Variants in NFATC3 observed in about 807,000 individuals in gnomAD.
The protein encoded by NFATC3 is nuclear factor of activated T cells 3.
A neutral mutation model predicts 98.6 loss-of-function variants in NFATC3; 46 were observed. That is an observed-to-expected ratio of 0.47 (90% CI 0.37 to 0.60). The LOEUF is 0.60. NFATC3 is among the 20% of genes least tolerant of loss of function. The probability of loss-of-function intolerance (pLI) is 0.00; values close to 1 mark genes in which losing one functional copy is unlikely to be tolerated. For missense variants in NFATC3, 1,256 were observed against 1,295.5 expected (o/e 0.97, Z 0.47); for synonymous variants, 512 against 472.2 (o/e 1.08, Z -1.09).
chr16:68,192,251 A>ATATGTATG (rs2040463513), intron 9 of NFATC3: 7 of 109,120 alleles, frequency 6.4e-5, no homozygotes, highest in African/African-American at 2.2e-4. Flanking sequence ...ATATATATAT[A>ATATGTATG]TATGTATGTG....
Position 68,085,583 on chromosome 16 carries a change from C to T in NFATC3, c.-99C>T, listed in dbSNP as rs2034318715. The T allele has an allele frequency of 1.8e-6, 2 of 1,083,540 alleles. No individual in the cohort carries two copies. The highest frequency in any genetic ancestry group is 2.5e-6 in the Non-Finnish European group (2 of 796,858). The allele number at this position is 1,083,540 out of a possible 1,614,324, so 67.1% of individuals were successfully genotyped here. A position where few individuals can be genotyped will look rare whatever the true frequency, so the allele number is the denominator to read the frequency against. ...CGTGGAGTCGCGACCTCTTGGCCCGCGCGGCCCGGCATGAAGCGGCGTTGA... is the reference window on the plus strand; with the variant it reads ...CGTGGAGTCGCGACCTCTTGGCCCGTGCGGCCCGGCATGAAGCGGCGTTGA... On this transcript the variant is annotated 5_prime_UTR_variant, in exon 1 of 10. Coordinates refer to ENST00000346183, the MANE Select transcript of NFATC3 (RefSeq NM_173165.3).
rs1198062251 is a variant in NFATC3 at position 68,191,684 on chromosome 16, T to C, written c.3015T>C (p.Pro1005=). The C allele has an allele frequency of 6.2e-7, 1 of 1,614,042 alleles. No homozygotes were observed. The highest frequency in any genetic ancestry group is 8.5e-7 in the Non-Finnish European group (1 of 1,180,038). The stretch of plus-strand genomic sequence containing the variant: ...TGTGTGATCCAGCGTCATTTCCACC[T>C]GATGGGGCAACTGTGAGCATTAAAC... ...HSLCDPASFP[P]DGATVSIKPE... is the part of the protein sequence containing the mutation. The change falls in exon 9 of 10, where the codon CCT becomes CCC. Residue 1005 remains proline (P), a synonymous_variant. Coordinates refer to ENST00000346183, the MANE Select transcript of NFATC3 (RefSeq NM_173165.3).
rs561538604 is a variant in NFATC3 at position 68,191,213 on chromosome 16, A to G, written c.2544A>G (p.Pro848=). 2 of 1,614,196 alleles carry G rather than the reference A, an allele frequency of 1.2e-6. No homozygotes were observed. Among genetic ancestry groups the G allele is most frequent in the South Asian group, 1.1e-5 (1 of 91,086 alleles). The stretch of plus-strand genomic sequence containing the variant: ...GTTTAGTGAATCTTGGCTGTCAACC[A>G]CTGTCATCCATACCATTTCATTCTT... ...LSGLVNLGCQ[P]LSSIPFHSSN... The change falls in exon 9 of 10, where the codon CCA becomes CCG. Residue 848 remains proline (P), a synonymous_variant. Transcript: ENST00000346183.
chr16:68,222,336 G>GA (rs530820589), intron 9 of NFATC3, among the ~76,000 whole-genome samples: 14 of 82,026 alleles, frequency 1.7e-4, no homozygotes, highest in Non-Finnish European at 3.0e-4. Flanking sequence ...ATAGAAAAAA[G>GA]AAAAAAAAGA....
chr16:68,085,770 G>C lies in NFATC3; in HGVS notation c.89G>C (p.Gly30Ala). The C allele has an allele frequency of 6.7e-7, 1 of 1,495,482 alleles. No individual in the cohort carries two copies. The highest frequency in any genetic ancestry group is 8.9e-7 in the Non-Finnish European group (1 of 1,127,996). 92.6% of individuals were successfully genotyped at this position (1,495,482 alleles called of 1,614,324 possible). A position where few individuals can be genotyped will look rare whatever the true frequency, so the allele number is the denominator to read the frequency against. Residue 30 changes from glycine (G) to alanine (A), a missense_variant, in exon 1 of 10, where the codon GGC (glycine) becomes GCC (alanine). Transcript: ENST00000346183. ...EDGAPAPPPPGSRPADLEPDD... is the reference protein window; with the variant it reads ...EDGAPAPPPPASRPADLEPDD... Reference sequence around the variant, plus strand: ...GGGGCGCCGGCGCCGCCGCCCCCGGGCTCGCGGCCTGCAGGTGGGTGCCGG... The same window carrying C: ...GGGGCGCCGGCGCCGCCGCCCCCGGCCTCGCGGCCTGCAGGTGGGTGCCGG...
intron 9 of NFATC3, among the ~76,000 whole-genome samples, chr16:68,208,844 G>T (rs2041256996): frequency 6.6e-6 from 1 of 152,046 alleles, no homozygotes; most frequent in Non-Finnish European, 1.5e-5. Flanking sequence ...TGCCACTTTG[G>T]TGACTTTATT....
At chr16:68,109,439 C>T (rs913303947) in intron 1 of NFATC3, among the ~76,000 whole-genome samples, 3 of 151,994 alleles carry the variant, frequency 2.0e-5, no homozygotes, top group South Asian at 2.1e-4. Context: ...TGATCCTGGT[C>T]GATAAGCTTT....
chr16:68,106,329 G>C (rs2035653583), intron 1 of NFATC3, among the ~76,000 whole-genome samples: 1 of 146,038 alleles, frequency 6.8e-6, no homozygotes, highest in African/African-American at 2.5e-5. Flanking sequence ...TTTCACTCTA[G>C]TTGCCCAGGT....
At chr16:68,190,743 T>G in intron 8 of NFATC3, 25 bp from the exon 9 acceptor site, 2 of 1,571,754 alleles carry the variant, frequency 1.3e-6, no homozygotes, top group Non-Finnish European at 1.7e-6. Context: ...TATAATAATA[T>G]TTGCTTTAAT....
intron 3 of NFATC3, among the ~76,000 whole-genome samples, chr16:68,130,643 A>G (rs1481038272): frequency 6.6e-6 from 1 of 152,052 alleles, no homozygotes; most frequent in Non-Finnish European, 1.5e-5. Flanking sequence ...TACAGAAGCT[A>G]TTTAGTTGAT....
At chr16:68,111,781 T>A (rs968448792) in intron 1 of NFATC3, among the ~76,000 whole-genome samples, 11 of 152,376 alleles carry the variant, frequency 7.2e-5, no homozygotes, top group South Asian at 4.1e-4. Context: ...TTTCCATATT[T>A]AGTGCTTCCT....
chr16:68,214,544 G>T (rs2041555830), intron 9 of NFATC3: 1 of 791,970 alleles, frequency 1.3e-6, no homozygotes, highest in South Asian at 1.6e-5. Flanking sequence ...GCATTTTCTG[G>T]TAGGCCCACT....
At chr16:68,127,714 A>G (rs1183705503) in intron 3 of NFATC3, among the ~76,000 whole-genome samples, 1 of 152,028 alleles carries the variant, frequency 6.6e-6, no homozygotes, top group Non-Finnish European at 1.5e-5. Flanking sequence ...GAATTCCTAA[A>G]ATATCTTTCT....
At chr16:68,109,312 T>C (rs1235183765) in intron 1 of NFATC3, among the ~76,000 whole-genome samples, 1 of 152,224 alleles carries the variant, frequency 6.6e-6, no homozygotes. Context: ...GAAGGCCTTT[T>C]CTGCATCTAT....
intron 5 of NFATC3, among the ~76,000 whole-genome samples, chr16:68,173,558 C>T (rs2039561395): frequency 6.6e-6 from 1 of 152,084 alleles, no homozygotes; most frequent in Admixed American, 6.6e-5. Flanking sequence ...CACAGCAAGA[C>T]TCTGTCTCAA....
chr16:68,186,568 A>C (rs1028683178), intron 8 of NFATC3, among the ~76,000 whole-genome samples: 1 of 151,872 alleles, frequency 6.6e-6, no homozygotes, highest in Admixed American at 6.6e-5. Context: ...AAACAACAAC[A>C]AAAAAAACAT....
intron 3 of NFATC3, among the ~76,000 whole-genome samples, chr16:68,151,453 G>C (rs1308174995): frequency 1.3e-5 from 2 of 152,090 alleles, no homozygotes; most frequent in Non-Finnish European, 2.9e-5. Flanking sequence ...TTGTACTCAT[G>C]AAAAATTCAT....
chr16:68,087,041 C>G (rs921478318), intron 1 of NFATC3, among the ~76,000 whole-genome samples: 2 of 152,140 alleles, frequency 1.3e-5, no homozygotes, highest in Non-Finnish European at 2.9e-5. Context: ...AATAACTGTA[C>G]TACTAGGAAG....
rs1051503712 is a variant in NFATC3, at chr16:68,122,945, A to G, written c.1062A>G (p.Lys354=). The change falls in exon 2 of 10, where the codon AAA becomes AAG. Residue 354 remains lysine, a synonymous_variant. Coordinates refer to ENST00000346183, the MANE Select transcript of NFATC3 (RefSeq NM_173165.3). ...SEDQAAILPG[K]LELCSDDQGS... is the part of the protein sequence containing the mutation. ...ATCAAGCTGCCATACTACCAGGAAA[A>G]TTAGAGCTGTGTTCAGATGACCAAG... is the stretch of plus-strand genomic sequence containing the variant. 2 of 1,614,198 alleles carry G rather than the reference A, an allele frequency of 1.2e-6. No homozygotes were observed. The highest frequency in any genetic ancestry group is 1.7e-6 in the Non-Finnish European group (2 of 1,180,038).
Sources: allele counts gnomAD v4.1 joint callset (sites outside exome capture counted in the v4.1 genomes callset), GRCh38; gene constraint gnomAD v4.1.1; transcripts MANE v1.5; gene names NCBI Gene and HGNC (gene_info 2026-07-23, HGNC 2026-07-21).